The following APBB2 variants were observed in gnomAD, a reference collection of about 807,000 sequenced individuals.
APBB2 encodes Fe65-like 1.
In APBB2, 38 loss-of-function variants were observed where a neutral mutation model predicts 82.5. The observed-to-expected ratio is 0.46, with a 90% CI of 0.36 to 0.60. The LOEUF (loss-of-function observed/expected upper bound fraction) is 0.60, where lower values mean the gene tolerates loss of function less well. Ranked by LOEUF, APBB2 falls within the 20% of genes least tolerant of loss-of-function variation. APBB2 has a pLI of 0.00. For synonymous variants in APBB2, 341 were observed against 368.2 expected (o/e 0.93, Z 0.85); for missense variants, 772 against 972.3 (o/e 0.79, Z 2.74).
chr4:41,066,875 A>G (rs1732058231), intron 3 of APBB2, among the ~76,000 whole-genome samples: 1 of 152,130 alleles, frequency 6.6e-6, no homozygotes, highest in Non-Finnish European at 1.5e-5. Flanking sequence ...CTCTGGGTGG[A>G]TTTGAAGGGG....
At chr4:40,864,453 T>C (rs1267023497) in intron 12 of APBB2, among the ~76,000 whole-genome samples, 1 of 152,148 alleles carries the variant, frequency 6.6e-6, no homozygotes, top group Non-Finnish European at 1.5e-5. Flanking sequence ...AGTATCTCTT[T>C]AACTCAACTC....
intron 4 of APBB2, among the ~76,000 whole-genome samples, chr4:41,059,572 C>A (rs1172222650): frequency 1.3e-5 from 2 of 152,272 alleles, no homozygotes; most frequent in Non-Finnish European, 2.9e-5. Context: ...CGCTTAAAGG[C>A]GTTCTTAAGC....
chr4:41,116,074 T>C (rs1750881614), intron 2 of APBB2, among the ~76,000 whole-genome samples: 1 of 152,164 alleles, frequency 6.6e-6, no homozygotes, highest in African/African-American at 2.4e-5. Flanking sequence ...TAAATGCCCA[T>C]CAATGATAGA....
At chr4:41,004,909 C>T (rs1806283115) in intron 6 of APBB2, among the ~76,000 whole-genome samples, 1 of 139,042 alleles carries the variant, frequency 7.2e-6, no homozygotes, top group Non-Finnish European at 1.6e-5. Context: ...AACTAATGAA[C>T]ATCAACAAAG....
intron 4 of APBB2, among the ~76,000 whole-genome samples, chr4:41,056,304 C>A (rs1727846194): frequency 6.6e-6 from 1 of 152,158 alleles, no homozygotes; most frequent in African/African-American, 2.4e-5. Context: ...CTCATTTGAT[C>A]CCAGTTCATC....
chr4:41,014,355 G>T lies in APBB2; in HGVS notation c.63C>A (p.Ser21Arg). 6.2e-7 allele frequency: 1 copy of T among 1,614,058 alleles called. No individual in the cohort carries two copies. Among genetic ancestry groups the T allele is most frequent in the Non-Finnish European group, 8.5e-7 (1 of 1,180,018 alleles). ...TCCGATTTGTGACGTCTGTAGTTCC[G>T]CTGCTGGCCATAAACACTGCCAAGG... is the stretch of plus-strand genomic sequence containing the variant. Reference protein sequence around the residue: ...VDTLAVFMASSGTTDVTNRNS... With the variant: ...VDTLAVFMASRGTTDVTNRNS... Residue 21 changes from serine (S) to arginine (R), a missense_variant, in exon 6 of 18, where the codon AGC (serine) becomes AGA (arginine). Physicochemically the swap from Ser to Arg is moderately radical, Grantham distance 110. Coordinates refer to ENST00000508593, the MANE Select transcript of APBB2 (RefSeq NM_004307.2).
At position 41,014,244 on chromosome 4, in the gene APBB2, G is replaced by A. The variant is rs776477123; in HGVS notation, c.174C>T (p.Thr58=). 1.4e-5 allele frequency: 23 copies of A among 1,614,052 alleles called. 1 individual carries two copies. The highest frequency in any genetic ancestry group is 1.8e-5 in the Non-Finnish European group (21 of 1,180,042). Residue 58 remains threonine, a synonymous_variant, in exon 6 of 18, where the codon ACC becomes ACT. Transcript: ENST00000508593. ...TGCATTTGGGAGGTGTGCTGTTCTT[G>A]GTTTCTGTGTGTTTTATTTCAGCGT... ...LLNAEIKHTE[T]KNSTPPKCRK... is the part of the protein sequence containing the mutation.
intron 10 of APBB2, among the ~76,000 whole-genome samples, chr4:40,904,780 C>T (rs913609686): frequency 3.2e-4 from 48 of 149,860 alleles, no homozygotes; most frequent in Admixed American, 2.7e-3. Context: ...TGGAGTGAAG[C>T]TTGACCCAGT....
intron 10 of APBB2, among the ~76,000 whole-genome samples, chr4:40,910,379 A>C (rs1778224669): frequency 1.3e-5 from 2 of 152,050 alleles, no homozygotes; most frequent in Non-Finnish European, 2.9e-5. Context: ...CTGGGACTAC[A>C]GGCTACGCAC....
intron 4 of APBB2, among the ~76,000 whole-genome samples, chr4:41,050,984 G>A (rs1725717326): frequency 6.6e-6 from 1 of 152,190 alleles, no homozygotes; most frequent in Non-Finnish European, 1.5e-5. Flanking sequence ...ACCAGGAACA[G>A]GGTGTTTCCC....
At chr4:40,842,459 T>TA (rs1756157984) in intron 12 of APBB2, 1 of 435,652 alleles carries the variant, frequency 2.3e-6, no homozygotes, top group African/African-American at 2.0e-5. Context: ...ACAGCCCCGT[T>TA]AACAGCGAGT....
At chr4:40,961,890 A>AT (rs1303097763) in intron 6 of APBB2, among the ~76,000 whole-genome samples, 2 of 152,056 alleles carry the variant, frequency 1.3e-5, no homozygotes, top group Non-Finnish European at 2.9e-5. Flanking sequence ...CATTGGGCTT[A>AT]TTTTTTCACA....
intron 6 of APBB2, among the ~76,000 whole-genome samples, chr4:40,972,439 A>AAT (rs1553888308): frequency 1.9e-4 from 28 of 148,942 alleles, no homozygotes; most frequent in East Asian, 5.9e-4. Flanking sequence ...AAAAAAAAAA[A>AAT]AATAATAATA....
At chr4:40,978,159 G>A (rs189263119) in intron 6 of APBB2, among the ~76,000 whole-genome samples, 38 of 152,312 alleles carry the variant, frequency 2.5e-4, no homozygotes, top group Admixed American at 8.5e-4. Context: ...AAGATGTGGT[G>A]CCCAGACCCA....
chr4:41,040,848 TAAA>T (rs1721075755), intron 4 of APBB2, among the ~76,000 whole-genome samples: 1 of 152,156 alleles, frequency 6.6e-6, no homozygotes, highest in Admixed American at 6.5e-5. Flanking sequence ...AAAAGCAAAA[TAAA>T]GCACACTTGA....
intron 10 of APBB2, among the ~76,000 whole-genome samples, chr4:40,907,781 CCT>C (rs1436207149): frequency 1.3e-5 from 2 of 150,958 alleles, no homozygotes; most frequent in South Asian, 2.1e-4. Context: ...CTCAGCCTCC[CCT>C]GAGTAGACGG....
chr4:41,087,689 A>G (rs1344320708), intron 3 of APBB2, among the ~76,000 whole-genome samples: 1 of 151,912 alleles, frequency 6.6e-6, no homozygotes, highest in Non-Finnish European at 1.5e-5. Context: ...TCAGCCTCCC[A>G]TAGTGCTGGG....
chr4:40,876,804 A>AT (rs1767035580), intron 12 of APBB2, among the ~76,000 whole-genome samples: 1 of 152,196 alleles, frequency 6.6e-6, no homozygotes. Flanking sequence ...AAATCTGCAG[A>AT]TATAGAGGGC....
At chr4:40,839,264 G>C (rs983953343) in intron 12 of APBB2, among the ~76,000 whole-genome samples, 1 of 151,818 alleles carries the variant, frequency 6.6e-6, no homozygotes, top group Non-Finnish European at 1.5e-5. Context: ...TTTTCTAAAT[G>C]ATGAACGCAA....
Sources: allele counts gnomAD v4.1 joint callset (sites outside exome capture counted in the v4.1 genomes callset), GRCh38; gene constraint gnomAD v4.1.1; transcripts MANE v1.5; gene names NCBI Gene and HGNC (gene_info 2026-07-23, HGNC 2026-07-21).